Variants in SRPK2 observed in about 807,000 individuals in gnomAD.
SRPK2 encodes the protein SFRS protein kinase 2.
A neutral mutation model predicts 90.8 loss-of-function variants in SRPK2; 21 were observed. The ratio of observed to expected loss-of-function variants is 0.23; its 90% CI spans 0.16 to 0.33. The LOEUF is 0.33. SRPK2 is among the 10% of genes least tolerant of loss of function. SRPK2 has a pLI of 1.00. For synonymous variants in SRPK2, 288 were observed against 311.1 expected (o/e 0.93, Z 0.78); for missense variants, 620 against 869.0 (o/e 0.71, Z 3.60).
intron 2 of SRPK2, among the ~76,000 whole-genome samples, chr7:105,219,781 C>T (rs1283243202): frequency 2.8e-4 from 42 of 152,224 alleles, no homozygotes; most frequent in Non-Finnish European, 4.4e-5. Context: ...AAATGTTACT[C>T]AAATTTGCAG....
At chr7:105,382,335 C>G (rs1821041967) in intron 2 of SRPK2, among the ~76,000 whole-genome samples, 2 of 151,558 alleles carry the variant, frequency 1.3e-5, no homozygotes, top group African/African-American at 4.8e-5. Context: ...GGTGGATCAC[C>G]TGAGGTCAGG....
chr7:105,217,718 T>G (rs958846694), intron 2 of SRPK2, among the ~76,000 whole-genome samples: 2 of 152,164 alleles, frequency 1.3e-5, no homozygotes, highest in African/African-American at 4.8e-5. Flanking sequence ...CTTACAAAGC[T>G]CAAACTATTT....
intron 2 of SRPK2, among the ~76,000 whole-genome samples, chr7:105,319,168 T>TG (rs1424358463): frequency 2.0e-5 from 3 of 152,224 alleles, no homozygotes; most frequent in Non-Finnish European, 4.4e-5. Context: ...ACAGATCTAA[T>TG]TTCTGTGAAA....
chr7:105,347,399 A>C (rs551648057), intron 2 of SRPK2, among the ~76,000 whole-genome samples: 1 of 152,006 alleles, frequency 6.6e-6, no homozygotes, highest in African/African-American at 2.4e-5. Context: ...CACTAGCCCA[A>C]GCTGGTCTCA....
intron 2 of SRPK2, among the ~76,000 whole-genome samples, chr7:105,315,547 A>G (rs1812214048): frequency 6.6e-6 from 1 of 152,204 alleles, no homozygotes; most frequent in African/African-American, 2.4e-5. Flanking sequence ...TGCCAGGCAA[A>G]CATGAGAATT....
intron 2 of SRPK2, chr7:105,298,649 A>T (rs1810155989): frequency 1.2e-6 from 1 of 843,678 alleles, no homozygotes. Context: ...ATCAAATAAA[A>T]AGGCCCCATA....
At chr7:105,127,098 A>G in intron 13 of SRPK2, 36 bp from the exon 14 acceptor site, 1 of 1,605,950 alleles carries the variant, frequency 6.2e-7, no homozygotes, top group Non-Finnish European at 8.5e-7. Flanking sequence ...AGCACTTCAG[A>G]GACTGGCCCC....
intron 6 of SRPK2, among the ~76,000 whole-genome samples, chr7:105,162,485 C>T (rs1246786702): frequency 1.3e-5 from 2 of 152,112 alleles, no homozygotes; most frequent in Non-Finnish European, 2.9e-5. Context: ...TCCCTGGAGG[C>T]TTACATTTGA....
At chr7:105,211,261 T>C (rs532870824) in intron 2 of SRPK2, among the ~76,000 whole-genome samples, 5 of 152,090 alleles carry the variant, frequency 3.3e-5, no homozygotes, top group African/African-American at 1.2e-4. Flanking sequence ...TTTTTTTAAA[T>C]AATTGAAATG....
Position 105,132,896 on chromosome 7 carries a change from A to T in SRPK2, c.1647T>A (p.His549Gln). The T allele has an allele frequency of 6.2e-7, 1 of 1,613,072 alleles. No homozygotes were observed. The highest frequency in any genetic ancestry group is 1.1e-5 in the South Asian group (1 of 90,988). ...IADLGNACWV[H>Q]KHFTEDIQTR... ...TCTGGATGTCTTCCGTGAAGTGTTT[A>T]TGCTGGAAGGGAACAGGCTGCATTA... The change falls in exon 13 of 16, where the codon CAT (histidine) becomes CAA (glutamine). Residue 549 changes from histidine to glutamine, a missense_variant and splice_region_variant. Transcript: ENST00000393651.
At chr7:105,204,920 T>C (rs1796007633) in intron 2 of SRPK2, 1 of 372,860 alleles carries the variant, frequency 2.7e-6, no homozygotes, top group Non-Finnish European at 5.1e-6. Context: ...GGAACACTGT[T>C]GCTCTCTGCC....
intron 2 of SRPK2, among the ~76,000 whole-genome samples, chr7:105,215,532 A>G (rs1797356355): frequency 6.6e-6 from 1 of 152,244 alleles, no homozygotes; most frequent in African/African-American, 2.4e-5. Flanking sequence ...AAACGTGTAC[A>G]TGAACACTCA....
intron 2 of SRPK2, among the ~76,000 whole-genome samples, chr7:105,325,134 A>T (rs1169280633): frequency 3.9e-5 from 6 of 152,180 alleles, no homozygotes; most frequent in Non-Finnish European, 5.9e-5. Flanking sequence ...AAGTGATCTA[A>T]GTCTTCACAC....
At chr7:105,148,325 CCTACAG>C (rs1223919190) in intron 7 of SRPK2, among the ~76,000 whole-genome samples, 1 of 152,080 alleles carries the variant, frequency 6.6e-6, no homozygotes, top group East Asian at 1.9e-4. Flanking sequence ...TCTAGACAAC[CCTACAG>C]CATTATACTA....
intron 2 of SRPK2, among the ~76,000 whole-genome samples, chr7:105,380,469 G>A (rs1820809933): frequency 6.6e-6 from 1 of 150,694 alleles, no homozygotes; most frequent in Non-Finnish European, 1.5e-5. Flanking sequence ...CCATGCACAA[G>A]TAAAAGAATA....
chr7:105,169,136 C>A (rs760919127), intron 4 of SRPK2, 21 bp downstream of exon 4: 1 of 1,598,596 alleles, frequency 6.3e-7, no homozygotes, highest in Non-Finnish European at 8.6e-7. Context: ...AACAAATGCA[C>A]AAATGACAAA....
At chr7:105,303,825 T>C (rs1171630145) in intron 2 of SRPK2, among the ~76,000 whole-genome samples, 1 of 152,202 alleles carries the variant, frequency 6.6e-6, no homozygotes, top group Non-Finnish European at 1.5e-5. Flanking sequence ...CACACGAATA[T>C]GTGGCAGAGG....
chr7:105,242,822 C>A (rs929675057), intron 2 of SRPK2, among the ~76,000 whole-genome samples: 1 of 152,150 alleles, frequency 6.6e-6, no homozygotes, highest in Admixed American at 6.5e-5. Context: ...GATCTCCAAT[C>A]CTTAAAGTGA....
At chr7:105,389,383 C>T (rs1822075544), upstream of SRPK2, 1 of 1,251,568 alleles carries the variant, frequency 8.0e-7, no homozygotes, top group South Asian at 1.3e-5. Context: ...GCGCCGCTTC[C>T]TCCTCTCCGG....
Sources: allele counts gnomAD v4.1 joint callset (sites outside exome capture counted in the v4.1 genomes callset), GRCh38; gene constraint gnomAD v4.1.1; transcripts MANE v1.5; gene names NCBI Gene and HGNC (gene_info 2026-07-23, HGNC 2026-07-21).